The following NEDD1 variants were observed in gnomAD, a reference collection of about 807,000 sequenced individuals.
NEDD1 encodes the protein protein NEDD1.
A neutral mutation model predicts 74.0 loss-of-function variants in NEDD1; 33 were observed. That is an observed-to-expected ratio of 0.45 (90% confidence interval 0.34 to 0.60). NEDD1 has a LOEUF of 0.60. Ranked by LOEUF, NEDD1 falls within the 20% of genes least tolerant of loss-of-function variation. The probability of loss-of-function intolerance (pLI) is 0.01; values close to 1 mark genes in which losing one functional copy is unlikely to be tolerated. For synonymous variants in NEDD1, 250 were observed against 264.4 expected, an observed-to-expected ratio of 0.95 and a Z score of 0.53; for missense variants, 746 against 776.5, an observed-to-expected ratio of 0.96 and a Z score of 0.47.
At chr12:96,912,674 T>C in intron 3 of NEDD1, 49 bp from the exon 4 acceptor site, 1 of 846,712 alleles carries the variant, frequency 1.2e-6, no homozygotes, top group Non-Finnish European at 2.0e-6. Flanking sequence ...AATAGTCTAG[T>C]GCTATAGATG....
intron 4 of NEDD1, among the ~76,000 whole-genome samples, chr12:96,913,856 G>T (rs1874176295): frequency 6.6e-6 from 1 of 151,632 alleles, no homozygotes; most frequent in Admixed American, 6.6e-5. Flanking sequence ...AAATTATTAT[G>T]AATTGTCATA....
Position 96,907,334 on chromosome 12 carries a change from C to T in NEDD1, c.-262+34C>T, listed in dbSNP as rs1398685671. 1.2e-4 allele frequency: 46 copies of T among 378,652 alleles called. No homozygotes were observed. The East Asian group carries it at 2.0e-3, about 16-fold the overall frequency. 23.5% of individuals were successfully genotyped at this position (378,652 alleles called of 1,614,324 possible). ...CCGGAGGCCCTGAGGTCAGCGGGCC[C>T]CCGCCCGCCGCGTCCGCGCACCCTC... On this transcript the variant is annotated intron_variant, in intron 1 of 15. Transcript: ENST00000266742.
chr12:96,909,611 C>A, intron 2 of NEDD1, 141 bp from the exon 3 acceptor site: 1 of 641,642 alleles, frequency 1.6e-6, no homozygotes, highest in South Asian at 2.2e-5. Context: ...AGGAAAATCA[C>A]TTCAACTGCT....
At chr12:96,928,778 C>T (rs767971691) in intron 6 of NEDD1, among the ~76,000 whole-genome samples, 1 of 149,694 alleles carries the variant, frequency 6.7e-6, no homozygotes. Context: ...GCTCCGCCTC[C>T]TGGGTTCACA....
At chr12:96,949,901 T>G (rs1394370039) in intron 14 of NEDD1, among the ~76,000 whole-genome samples, 2 of 152,098 alleles carry the variant, frequency 1.3e-5, no homozygotes, top group Non-Finnish European at 2.9e-5. Flanking sequence ...AAGTTGACTT[T>G]ATAAAAGTTT....
intron 12 of NEDD1, 52 bp downstream of exon 12, chr12:96,943,814 A>G (rs1877915584): frequency 8.1e-7 from 1 of 1,231,056 alleles, no homozygotes; most frequent in Non-Finnish European, 1.2e-6. Context: ...ATCAGTAGAA[A>G]GTGGGTGGCT....
chr12:96,947,837 G>T (rs533780313), intron 14 of NEDD1, among the ~76,000 whole-genome samples: 1 of 152,186 alleles, frequency 6.6e-6, no homozygotes, highest in Non-Finnish European at 1.5e-5. Context: ...TGGTGAAGAC[G>T]TACAGTCAGT....
chr12:96,934,383 A>C (rs1876865262), intron 6 of NEDD1, among the ~76,000 whole-genome samples: 2 of 152,132 alleles, frequency 1.3e-5, no homozygotes. Flanking sequence ...TAAAATGACA[A>C]ATATTAATAG....
At chr12:96,941,472 A>T (rs1442293951) in intron 10 of NEDD1, among the ~76,000 whole-genome samples, 1 of 152,098 alleles carries the variant, frequency 6.6e-6, no homozygotes, top group Non-Finnish European at 1.5e-5. Context: ...AAACTGAAAG[A>T]GGAAGGATTC....
At chr12:96,927,730 A>G (rs1770241459) in intron 6 of NEDD1, among the ~76,000 whole-genome samples, 1 of 152,122 alleles carries the variant, frequency 6.6e-6, no homozygotes, top group South Asian at 2.1e-4. Context: ...GAGTATGGAG[A>G]TCTGATAAAT....
chr12:96,940,225 T>G (rs998959863), intron 9 of NEDD1, among the ~76,000 whole-genome samples, 184 bp from the exon 10 acceptor site: 1 of 151,276 alleles, frequency 6.6e-6, no homozygotes, highest in Non-Finnish European at 1.5e-5. Flanking sequence ...TGTCATATTC[T>G]GTTTTATTGT....
intron 5 of NEDD1, 95 bp from the exon 6 acceptor site, chr12:96,919,890 T>G: frequency 1.4e-6 from 1 of 731,392 alleles, no homozygotes; most frequent in East Asian, 2.7e-5. Flanking sequence ...AATATTAGAT[T>G]GATAAATACA....
chr12:96,937,161 A>G, intron 8 of NEDD1, 37 bp from the exon 9 acceptor site: 1 of 1,202,084 alleles, frequency 8.3e-7, no homozygotes, highest in Non-Finnish European at 1.2e-6. Flanking sequence ...ATGAAACATT[A>G]GTAACCTGAG....
chr12:96,913,599 C>T (rs1461697748), intron 4 of NEDD1, among the ~76,000 whole-genome samples: 2 of 152,032 alleles, frequency 1.3e-5, no homozygotes. Flanking sequence ...GTCTTGAACT[C>T]CTGACCTCAT....
intron 6 of NEDD1, among the ~76,000 whole-genome samples, chr12:96,925,357 C>T (rs1369623275): frequency 6.6e-6 from 1 of 152,116 alleles, no homozygotes; most frequent in African/African-American, 2.4e-5. Flanking sequence ...TATTGTGTTT[C>T]AGCACTGTGA....
intron 6 of NEDD1, among the ~76,000 whole-genome samples, chr12:96,929,435 G>C (rs1428416090): frequency 7.8e-6 from 1 of 128,012 alleles, no homozygotes; most frequent in African/African-American, 2.9e-5. Context: ...TGTTCTCTTT[G>C]TTTTCATAAG....
At chr12:96,913,429 A>C (rs1002238706) in intron 4 of NEDD1, among the ~76,000 whole-genome samples, 1 of 151,398 alleles carries the variant, frequency 6.6e-6, no homozygotes, top group African/African-American at 2.4e-5. Context: ...GCTGGAGTGC[A>C]ATGGTGCAAT....
intron 4 of NEDD1, 22 bp downstream of exon 4, chr12:96,912,839 T>C: frequency 8.6e-7 from 1 of 1,159,340 alleles, no homozygotes; most frequent in Non-Finnish European, 1.3e-6. Flanking sequence ...TTTTTTTTTT[T>C]AAACTTTTAA....
At chr12:96,920,636 TA>T (rs1265482100) in intron 6 of NEDD1, among the ~76,000 whole-genome samples, 2 of 152,190 alleles carry the variant, frequency 1.3e-5, no homozygotes, top group African/African-American at 2.4e-5. Context: ...GGAAACTTTT[TA>T]AAAGGAAAAT....
Sources: allele counts gnomAD v4.1 joint callset (sites outside exome capture counted in the v4.1 genomes callset), GRCh38; gene constraint gnomAD v4.1.1; transcripts MANE v1.5; gene names NCBI Gene and HGNC (gene_info 2026-07-23, HGNC 2026-07-21).